The following BCAS3 variants were observed in gnomAD, a reference collection of about 807,000 sequenced individuals.
BCAS3 encodes the protein BCAS4/BCAS3 fusion.
In BCAS3, 53 loss-of-function variants were observed where a neutral mutation model predicts 116.1. The observed-to-expected ratio is 0.46, with a 90% CI of 0.37 to 0.57. The LOEUF is 0.57. Ranked by LOEUF, BCAS3 falls within the 20% of genes least tolerant of loss-of-function variation. The pLI, the probability that BCAS3 is intolerant of heterozygous loss-of-function variation, is 0.00. For synonymous variants in BCAS3, 391 were observed against 408.2 expected (o/e 0.96, Z 0.51); for missense variants, 917 against 1,165.4 (o/e 0.79, Z 3.10).
intron 22 of BCAS3, among the ~76,000 whole-genome samples, chr17:61,138,390 G>A (rs1213043624): frequency 1.3e-5 from 2 of 152,156 alleles, no homozygotes; most frequent in African/African-American, 4.8e-5. Flanking sequence ...TCCATGTTGA[G>A]TATCTACGTG....
intron 20 of BCAS3, among the ~76,000 whole-genome samples, chr17:61,075,511 CGCCATGTTG>C (rs1307300717): frequency 1.3e-5 from 2 of 152,008 alleles, no homozygotes; most frequent in Non-Finnish European, 2.9e-5. Flanking sequence ...GAAGGGGTTT[CGCCATGTTG>C]GCCAGGTTGG....
intron 4 of BCAS3, among the ~76,000 whole-genome samples, chr17:60,699,052 C>A (rs559212804): frequency 6.6e-6 from 1 of 151,818 alleles, no homozygotes; most frequent in Non-Finnish European, 1.5e-5. Context: ...AGCGAGACTC[C>A]GTCTCAAAGA....
rs35888828 is a variant in BCAS3, at chr17:61,235,700, T to TAAA, written c.2426-132615_2426-132613dup. ...TTGGAAAGAAGACTTTTGAATTGTT[T>TAAA]AAAAAAAAAAAAAAGGAGAAGAAGG... is the stretch of plus-strand genomic sequence containing the variant. On this transcript the variant is annotated intron_variant, in intron 22 of 23. Coordinates refer to ENST00000407086, the MANE Select transcript of BCAS3 (RefSeq NM_017679.5). This position sits in a 1 kb window ranked among gnomAD's most constrained non-coding sequence, Gnocchi z 5.0. Among the ~76,000 whole-genome samples, 1 of 142,512 alleles carries TAAA rather than the reference T, an allele frequency of 7.0e-6. No individual in the cohort carries two copies. The highest frequency in any genetic ancestry group is 1.5e-5 in the Non-Finnish European group (1 of 65,870). The allele number at this position is 142,512 out of a possible 152,430, so 93.5% of individuals were successfully genotyped here.
intron 22 of BCAS3, among the ~76,000 whole-genome samples, chr17:61,336,790 A>G (rs953771170): frequency 3.9e-5 from 6 of 152,312 alleles, no homozygotes; most frequent in East Asian, 1.9e-4. Flanking sequence ...GTCTTGCCCA[A>G]GGTTACACAG....
chr17:60,839,564 A>G (rs1227672648), intron 7 of BCAS3, among the ~76,000 whole-genome samples: 2 of 152,162 alleles, frequency 1.3e-5, no homozygotes, highest in Non-Finnish European at 2.9e-5. Flanking sequence ...AACTAGGCTC[A>G]TCACAGGTTT....
chr17:61,030,545 A>G (rs2145584604), intron 16 of BCAS3, among the ~76,000 whole-genome samples: 1 of 152,232 alleles, frequency 6.6e-6, no homozygotes. Flanking sequence ...TAATATCCCT[A>G]TAACTTCCTC....
chr17:61,079,527 A>G (rs964789338), intron 21 of BCAS3, among the ~76,000 whole-genome samples: 2 of 152,092 alleles, frequency 1.3e-5, no homozygotes, highest in Non-Finnish European at 2.9e-5. Flanking sequence ...TCTGAATTGC[A>G]ACTCTTCATC....
rs1447997487 is a variant in BCAS3 at position 61,233,644 on chromosome 17, A to C, written c.2426-134683A>C. 6.6e-6 allele frequency among the ~76,000 whole-genome samples: 1 copy of C among 152,198 alleles called. No individual in the cohort carries two copies. Among genetic ancestry groups the C allele is most frequent in the African/African-American group, 2.4e-5 (1 of 41,452 alleles). ...TCTCTGATTCACTGAGGGACCTTGG[A>C]TAAGTCACAATCTTCCTGTCTCATG... On this transcript the variant is annotated intron_variant, in intron 22 of 23. Coordinates refer to ENST00000407086, the MANE Select transcript of BCAS3 (RefSeq NM_017679.5). This position sits in a 1 kb window ranked among gnomAD's most constrained non-coding sequence, Gnocchi z 4.3.
At chr17:61,093,280 C>T (rs1053203274) in intron 22 of BCAS3, among the ~76,000 whole-genome samples, 1 of 152,050 alleles carries the variant, frequency 6.6e-6, no homozygotes, top group Non-Finnish European at 1.5e-5. Context: ...GACTATGATC[C>T]TTTTCAAATT....
chr17:61,044,712 A>T (rs1324336549), intron 19 of BCAS3, among the ~76,000 whole-genome samples: 1 of 151,714 alleles, frequency 6.6e-6, no homozygotes, highest in Non-Finnish European at 1.5e-5. Context: ...ATAAATGTAG[A>T]TATCAATTAT....
At position 60,982,363 on chromosome 17, in the gene BCAS3, G is replaced by A. The variant is rs542984515; in HGVS notation, c.1222-7608G>A. Among the ~76,000 whole-genome samples the A allele has an allele frequency of 9.9e-5, 15 of 152,250 alleles. No individual in the cohort carries two copies. The East Asian group carries it at 2.5e-3, about 25-fold the overall frequency. On this transcript the variant is annotated intron_variant, in intron 14 of 23. Transcript: ENST00000407086. ...ACTCTGTTGCCCAAGCTAGAGTACA[G>A]TGGCACAGTCATAACTCACTGCAGC... is the stretch of plus-strand genomic sequence containing the variant.
chr17:61,297,574 A>G (rs1223135179), intron 22 of BCAS3, among the ~76,000 whole-genome samples: 1 of 152,072 alleles, frequency 6.6e-6, no homozygotes, highest in Non-Finnish European at 1.5e-5. Flanking sequence ...GTCAGCGGGG[A>G]CCTAGACCCC....
Position 61,243,253 on chromosome 17 carries a change from C to T in BCAS3, c.2426-125074C>T, listed in dbSNP as rs1007164412. The stretch of plus-strand genomic sequence containing the variant: ...CTACACTGTGATGAGTATGGAGATA[C>T]GTATATACCTATCCATCACCTCCAA... On this transcript the variant is annotated intron_variant, in intron 22 of 23. Transcript: ENST00000407086. This position sits in a 1 kb window ranked among gnomAD's most constrained non-coding sequence, Gnocchi z 5.6. Among the ~76,000 whole-genome samples, 1 of 152,182 alleles carries T rather than the reference C, an allele frequency of 6.6e-6. No individual in the cohort carries two copies. The highest frequency in any genetic ancestry group is 1.5e-5 in the Non-Finnish European group (1 of 68,020).
intron 22 of BCAS3, among the ~76,000 whole-genome samples, chr17:61,351,929 C>G (rs1951528952): frequency 6.6e-6 from 1 of 152,178 alleles, no homozygotes; most frequent in South Asian, 2.1e-4. Context: ...CGTCTCTAGG[C>G]CTCTTCCCTT....
At chr17:60,764,144 A>G (rs1156837099) in intron 6 of BCAS3, among the ~76,000 whole-genome samples, 1 of 144,060 alleles carries the variant, frequency 6.9e-6, no homozygotes, top group African/African-American at 2.7e-5. Context: ...AAAAAACCAG[A>G]TCCTGGATTC....
chr17:60,679,050 C>T (rs1159628507), intron 1 of BCAS3, among the ~76,000 whole-genome samples: 1 of 152,094 alleles, frequency 6.6e-6, no homozygotes, highest in Non-Finnish European at 1.5e-5. Flanking sequence ...ATGGTGAAAC[C>T]CCGTCGCTAC....
intron 5 of BCAS3, among the ~76,000 whole-genome samples, chr17:60,711,059 C>G (rs975796293): frequency 2.0e-5 from 3 of 151,880 alleles, no homozygotes; most frequent in African/African-American, 7.3e-5. Context: ...TACTTGGCCT[C>G]CTAAAGTGTG....
At chr17:61,372,845 A>T (rs2059119178) in intron 23 of BCAS3, among the ~76,000 whole-genome samples, 1 of 152,114 alleles carries the variant, frequency 6.6e-6, no homozygotes, top group African/African-American at 2.4e-5. Context: ...AGAAAAATAG[A>T]ATTTTTAAAG....
chr17:61,357,453 T>A (rs1338716166), intron 22 of BCAS3, among the ~76,000 whole-genome samples: 16 of 149,006 alleles, frequency 1.1e-4, no homozygotes, highest in African/African-American at 3.2e-4. Flanking sequence ...TTTTTATTTT[T>A]TTTTTTTTTG....
Sources: allele counts gnomAD v4.1 joint callset (sites outside exome capture counted in the v4.1 genomes callset), GRCh38; gene constraint gnomAD v4.1.1; non-coding constraint Gnocchi (gnomAD v3.1); transcripts MANE v1.5; gene names NCBI Gene and HGNC (gene_info 2026-07-23, HGNC 2026-07-21).